Variants in TWSG1 observed in about 807,000 individuals in gnomAD.
TWSG1 encodes twisted gastrulation BMP signaling modulator 1, also known as twisted gastrulation protein homolog 1.
A neutral mutation model predicts 23.0 loss-of-function variants in TWSG1; 15 were observed. The observed-to-expected ratio is 0.65, with a 90% CI of 0.44 to 1.00. The LOEUF is 1.00. TWSG1 is among the 50% of genes least tolerant of loss of function. The pLI, the probability that TWSG1 is intolerant of heterozygous loss-of-function variation, is 0.00. For synonymous variants in TWSG1, 86 were observed against 92.8 expected, an observed-to-expected ratio of 0.93 and a Z score of 0.42; for missense variants, 242 against 278.7, an observed-to-expected ratio of 0.87 and a Z score of 0.94.
At position 9,396,384 on chromosome 18, in the gene TWSG1, G is replaced by A; in HGVS notation, c.328G>A (p.Gly110Arg). The change falls in exon 4 of 5, where the codon GGA becomes AGA. Residue 110 changes from glycine (G) to arginine (R), a missense_variant. Coordinates refer to ENST00000262120, the MANE Select transcript of TWSG1 (RefSeq NM_020648.6). Reference protein sequence around the residue: ...IPSLFRALTEGDTQLNWNIVS... With the variant: ...IPSLFRALTERDTQLNWNIVS... Reference sequence around the variant, plus strand: ...TTCTCTCTTCCGGGCACTCACAGAAGGAGATACTCAGTTGAATTGGAACAT... The same window carrying A: ...TTCTCTCTTCCGGGCACTCACAGAAAGAGATACTCAGTTGAATTGGAACAT... The A allele has an allele frequency of 6.2e-7, 1 of 1,614,160 alleles. No homozygotes were observed. Among genetic ancestry groups the A allele is most frequent in the Non-Finnish European group, 8.5e-7 (1 of 1,180,034 alleles).
chr18:9,347,559 A>G (rs2040483180), intron 2 of TWSG1, among the ~76,000 whole-genome samples: 2 of 152,052 alleles, frequency 1.3e-5, no homozygotes, highest in Admixed American at 6.6e-5. Context: ...TTCTTTTGTT[A>G]AATTTATTTA....
intron 2 of TWSG1, among the ~76,000 whole-genome samples, chr18:9,349,465 GTC>G (rs1443653002): frequency 6.6e-6 from 1 of 152,088 alleles, no homozygotes; most frequent in African/African-American, 2.4e-5. Flanking sequence ...TAAATTGACA[GTC>G]TGCTTTTTTA....
intron 3 of TWSG1, among the ~76,000 whole-genome samples, chr18:9,383,193 TG>T (rs1342756593): frequency 6.0e-4 from 37 of 61,900 alleles, no homozygotes; most frequent in East Asian, 2.8e-3. Context: ...GTTTTTTTTT[TG>T]TTTTTTTTTT....
chr18:9,359,787 C>CA (rs940763142), intron 2 of TWSG1, among the ~76,000 whole-genome samples, 185 bp from the exon 3 acceptor site: 2 of 151,266 alleles, frequency 1.3e-5, no homozygotes, highest in African/African-American at 4.8e-5. Flanking sequence ...TGAATATATC[C>CA]AAAAAAAATC....
intron 2 of TWSG1, among the ~76,000 whole-genome samples, chr18:9,343,210 T>TTATATATATATATA (rs6146209): frequency 2.3e-5 from 3 of 132,114 alleles, no homozygotes; most frequent in Admixed American, 7.8e-5. Context: ...TTGTTTTTTG[T>TTATATATATATATA]TATATATATA....
At chr18:9,373,610 G>A (rs2040616053) in intron 3 of TWSG1, among the ~76,000 whole-genome samples, 1 of 152,188 alleles carries the variant, frequency 6.6e-6, no homozygotes, top group Non-Finnish European at 1.5e-5. Context: ...CACTCTTATA[G>A]TTGAAGACTT....
At chr18:9,345,577 T>C (rs190221748) in intron 2 of TWSG1, among the ~76,000 whole-genome samples, 5 of 152,336 alleles carry the variant, frequency 3.3e-5, no homozygotes, top group African/African-American at 1.2e-4. Flanking sequence ...ATAAACGGTT[T>C]ATTTATGGAC....
chr18:9,359,651 G>A (rs2040543136), intron 2 of TWSG1, among the ~76,000 whole-genome samples: 1 of 152,164 alleles, frequency 6.6e-6, no homozygotes, highest in Admixed American at 6.5e-5. Flanking sequence ...TATAATAGCT[G>A]AGAAGCAGGT....
rs386387024 is a variant in TWSG1, at chr18:9,344,531, A to ATTT, written c.123+7192_123+7194dup. Among the ~76,000 whole-genome samples, 169 of 102,078 alleles carry ATTT rather than the reference A, an allele frequency of 1.7e-3. 22 individuals carry two copies. Among genetic ancestry groups the ATTT allele is most frequent in the African/African-American group, 2.3e-3 (61 of 27,046 alleles). The allele number at this position is 102,078 out of a possible 152,430, so 67.0% of individuals were successfully genotyped here. A position where few individuals can be genotyped will look rare whatever the true frequency, so the allele number is the denominator to read the frequency against. Reference sequence around the variant, plus strand: ...TGTGTGTGTGTGTGTGTATGTATGTATTTTTTTTTTTTTTTGAGAGAGGAT... The same window carrying ATTT: ...TGTGTGTGTGTGTGTGTATGTATGTATTTTTTTTTTTTTTTTTTGAGAGAGGAT... On this transcript the variant is annotated intron_variant, in intron 2 of 4. Coordinates refer to ENST00000262120, the MANE Select transcript of TWSG1 (RefSeq NM_020648.6).
At chr18:9,381,868 G>A (rs934795490) in intron 3 of TWSG1, among the ~76,000 whole-genome samples, 4 of 43,926 alleles carry the variant, frequency 9.1e-5, no homozygotes, top group Non-Finnish European at 1.9e-4. Context: ...ACACACCCCT[G>A]TTACTAGCAT....
chr18:9,355,797 G>A (rs1200933992), intron 2 of TWSG1, among the ~76,000 whole-genome samples: 1 of 152,158 alleles, frequency 6.6e-6, no homozygotes, highest in East Asian at 1.9e-4. Flanking sequence ...CACAAACTCT[G>A]TTTTCAAAAG....
intron 2 of TWSG1, among the ~76,000 whole-genome samples, chr18:9,342,782 C>T (rs1158387988): frequency 1.3e-5 from 2 of 152,082 alleles, no homozygotes; most frequent in Non-Finnish European, 2.9e-5. Context: ...TTAACAGTAA[C>T]CCTTATTTTG....
intron 2 of TWSG1, among the ~76,000 whole-genome samples, chr18:9,356,047 C>T (rs557132358): frequency 3.7e-4 from 57 of 152,312 alleles, no homozygotes; most frequent in Non-Finnish European, 6.6e-4. Context: ...TGGTGTCCAA[C>T]AAGTTTTAAT....
intron 2 of TWSG1, among the ~76,000 whole-genome samples, chr18:9,354,153 C>T (rs2040514419): frequency 6.6e-6 from 1 of 152,220 alleles, no homozygotes; most frequent in South Asian, 2.1e-4. Flanking sequence ...GAATACCTAA[C>T]CATAACTGGG....
chr18:9,396,243 T>C, intron 3 of TWSG1, 37 bp from the exon 4 acceptor site: 1 of 1,595,454 alleles, frequency 6.3e-7, no homozygotes, highest in Non-Finnish European at 8.6e-7. Context: ...TGCAAGGCAG[T>C]AACTAACAAA....
At chr18:9,382,932 A>G (rs1012064921) in intron 3 of TWSG1, among the ~76,000 whole-genome samples, 9 of 152,170 alleles carry the variant, frequency 5.9e-5, no homozygotes, top group Non-Finnish European at 1.3e-4. Flanking sequence ...TAGATAACCA[A>G]TAACAAAAAG....
At chr18:9,340,719 T>C (rs1285529909) in intron 2 of TWSG1, among the ~76,000 whole-genome samples, 1 of 152,202 alleles carries the variant, frequency 6.6e-6, no homozygotes, top group African/African-American at 2.4e-5. Context: ...GGTGGAATTA[T>C]CTGAAACAGC....
chr18:9,354,015 A>C (rs1486618994), intron 2 of TWSG1, among the ~76,000 whole-genome samples: 2 of 152,232 alleles, frequency 1.3e-5, no homozygotes, highest in Non-Finnish European at 2.9e-5. Context: ...TTGATTAAAC[A>C]ATCTAAAGAA....
chr18:9,372,497 G>T (rs2040610574), intron 3 of TWSG1, among the ~76,000 whole-genome samples: 2 of 148,194 alleles, frequency 1.3e-5, no homozygotes, highest in South Asian at 4.2e-4. Flanking sequence ...AAGCAAAACT[G>T]CAGATAAGGG....
Sources: allele counts gnomAD v4.1 joint callset (sites outside exome capture counted in the v4.1 genomes callset), GRCh38; gene constraint gnomAD v4.1.1; transcripts MANE v1.5; gene names NCBI Gene and HGNC (gene_info 2026-07-23, HGNC 2026-07-21).